The following PLXNA3 variants were observed in gnomAD, a reference collection of about 807,000 sequenced individuals.
The protein encoded by PLXNA3 is plexin A3.
A neutral mutation model predicts 118.8 loss-of-function variants in PLXNA3; 52 were observed. The observed-to-expected ratio is 0.44, with a 90% CI of 0.35 to 0.55. PLXNA3 has a LOEUF of 0.55. Among genes scored for constraint, PLXNA3 ranks in the 20% least tolerant of loss-of-function variants. The probability of loss-of-function intolerance (pLI) is 0.01; values close to 1 mark genes in which losing one functional copy is unlikely to be tolerated. For synonymous variants in PLXNA3, 925 were observed against 762.4 expected, an observed-to-expected ratio of 1.21 and a Z score of -3.51; for missense variants, 1,660 against 1,730.8, an observed-to-expected ratio of 0.96 and a Z score of 0.73.
Position 154,469,108 on chromosome X carries a change from A to G in PLXNA3, c.4487A>G (p.Lys1496Arg). 1.7e-6 allele frequency: 2 copies of G among 1,211,308 alleles called. No homozygotes were observed. The highest frequency in any genetic ancestry group is 3.5e-5 in the South Asian group (2 of 57,034). The change falls in exon 26 of 33, where the codon AAG becomes AGG. Residue 1496 changes from lysine to arginine, a missense_variant. By Grantham distance (26) the Lys-to-Arg change is conservative (BLOSUM62 2). This residue lies in a region of PLXNA3 where 869 missense variants were observed against 1,078.7 expected (regional missense o/e 0.81). Coordinates refer to ENST00000369682, the MANE Select transcript of PLXNA3 (RefSeq NM_017514.5). ...ENEGSAQVPV[K>R]VLNCDSITQA... ...GAGGGCAGCGCCCAGGTCCCAGTGA[A>G]GGTTCTCAACTGTGACAGCATCACC... is the stretch of plus-strand genomic sequence containing the variant.
rs371884925 is a variant in PLXNA3, at chrX:154,460,139, C to T, written c.-27-18C>T. ...TGTGGCTCGAGGCCTCTGACTCCCA[C>T]ACACCGTCTCTCCCTAGGCCTGTCC... On this transcript the variant is annotated intron_variant, in intron 1 of 32. Coordinates refer to ENST00000369682, the MANE Select transcript of PLXNA3 (RefSeq NM_017514.5). 9.4e-4 allele frequency: 890 copies of T among 950,248 alleles called. 6 individuals carry two copies. The South Asian group carries it at 0.015, about 16-fold the overall frequency. 78.3% of individuals were successfully genotyped at this position (950,248 alleles called of 1,213,427 possible).
intron 32 of PLXNA3, 35 bp from the exon 33 acceptor site, chrX:154,472,555 A>T: frequency 9.7e-7 from 1 of 1,033,772 alleles, no homozygotes; most frequent in East Asian, 3.1e-5. Flanking sequence ...TGCGCCCCCT[A>T]CAGAGCCCAG....
chrX:154,465,272 A>G, intron 11 of PLXNA3, 54 bp downstream of exon 11: 2 of 1,101,493 alleles, frequency 1.8e-6, no homozygotes, highest in Non-Finnish European at 2.5e-6. Context: ...CGTGGTGTGG[A>G]TCGTTCTTGT....
At position 154,468,438 on chromosome X, in the gene PLXNA3, C is replaced by T; in HGVS notation, c.4099C>T (p.Leu1367Phe). 7.4e-6 allele frequency: 9 copies of T among 1,211,398 alleles called. No individual in the cohort carries two copies. The highest frequency in any genetic ancestry group is 1.0e-5 in the Non-Finnish European group (9 of 895,530). The change falls in exon 23 of 33, where the codon CTC becomes TTC. Residue 1367 changes from leucine (L) to phenylalanine (F), a missense_variant. Transcript: ENST00000369682. ...GCGCGACCGCGGCACCGTGGCCTCG[C>T]TCACCATGGTGGCCCTGCAGAGCCG... is the stretch of plus-strand genomic sequence containing the variant. The part of the protein sequence containing the change: ...SMRDRGTVAS[L>F]TMVALQSRLD...
chrX:154,465,868 C>T, intron 13 of PLXNA3, 21 bp downstream of exon 13: 2 of 1,208,834 alleles, frequency 1.7e-6, no homozygotes. Flanking sequence ...CTCACCGCCC[C>T]TGCCCACTGC....
In PLXNA3 at chrX:154,460,520, G is replaced by A. The variant is rs1557203509; in HGVS notation, c.337G>A (p.Gly113Ser). ...DYAARRLVAC[G>S]SIWQGICQFL... is the part of the protein sequence containing the mutation. ...TGCGGCCCGCCGCCTGGTGGCCTGC[G>A]GCAGCATCTGGCAGGGCATCTGCCA... Residue 113 changes from glycine (G) to serine (S), a missense_variant, in exon 2 of 33, where the codon GGC becomes AGC. By Grantham distance (56) the Gly-to-Ser change is moderately conservative (BLOSUM62 0). Around this residue, in one of 2 missense-constraint regions of PLXNA3, gnomAD observed 791 missense variants for 652.1 expected, o/e 1.21. Coordinates refer to ENST00000369682, the MANE Select transcript of PLXNA3 (RefSeq NM_017514.5). The A allele has an allele frequency of 4.1e-6, 5 of 1,209,329 alleles. No individual in the cohort carries two copies. Among genetic ancestry groups the A allele is most frequent in the East Asian group, 3.0e-5 (1 of 33,806 alleles).
Position 154,469,800 on chromosome X carries a change from G to A in PLXNA3, c.4795+16G>A, listed in dbSNP as rs781795650. 3 of 1,181,389 alleles carry A rather than the reference G, an allele frequency of 2.5e-6. No homozygotes were observed. The South Asian group carries it at 5.3e-5, about 21-fold the overall frequency. On this transcript the variant is annotated intron_variant, in intron 28 of 32. Coordinates refer to ENST00000369682, the MANE Select transcript of PLXNA3 (RefSeq NM_017514.5). Reference sequence around the variant, plus strand: ...AGCCGCTACGGTAGGTGTCCTCAGTGTGGTGGCCATGTGCCCTTCGAGGGA... The same window carrying A: ...AGCCGCTACGGTAGGTGTCCTCAGTATGGTGGCCATGTGCCCTTCGAGGGA...
rs1362558474 is a variant in PLXNA3, at chrX:154,475,772, A to T, written c.*3087A>T. The T allele has an allele frequency of 8.9e-6, 1 of 112,177 alleles. No homozygotes were observed. The highest frequency in any genetic ancestry group is 2.8e-4 in the East Asian group (1 of 3,618). 9.2% of individuals were successfully genotyped at this position (112,177 alleles called of 1,213,427 possible). On this transcript the variant is annotated 3_prime_UTR_variant, in exon 33 of 33. Coordinates refer to ENST00000369682, the MANE Select transcript of PLXNA3 (RefSeq NM_017514.5). ...AATACTACCATCATATGATAATGAC[A>T]ACTAAGCCACAGGAAAACAAGGCAG...
Position 154,468,489 on chromosome X carries a change from A to G in PLXNA3, c.4150A>G (p.Lys1384Glu). Residue 1384 changes from lysine (K) to glutamate (E), a missense_variant, in exon 23 of 33, where the codon AAG (lysine) becomes GAG (glutamate). Around this residue, in one of 2 missense-constraint regions of PLXNA3, gnomAD observed 869 missense variants for 1,078.7 expected, o/e 0.81. Transcript: ENST00000369682. ...SRLDYATGLLKQLLADLIEKN... is the reference protein window; with the variant it reads ...SRLDYATGLLEQLLADLIEKN... ...GCTCGACTATGCCACGGGGCTGCTC[A>G]AGCAACTGCTGGCCGACCTCATCGA... The G allele has an allele frequency of 2.5e-6, 3 of 1,211,064 alleles. No individual in the cohort carries two copies. Among genetic ancestry groups the G allele is most frequent in the Non-Finnish European group, 3.4e-6 (3 of 895,442 alleles).
At position 154,467,086 on chromosome X, in the gene PLXNA3, C is replaced by T. The variant is rs2069098789; in HGVS notation, c.3137C>T (p.Thr1046Ile). 8.3e-7 allele frequency: 1 copy of T among 1,208,592 alleles called. No individual in the cohort carries two copies. Among genetic ancestry groups the T allele is most frequent in the Admixed American group, 2.2e-5 (1 of 45,878 alleles). The change falls in exon 18 of 33, where the codon ACC (threonine) becomes ATC (isoleucine). Residue 1046 changes from threonine (T) to isoleucine (I), a missense_variant. By Grantham distance (89) the Thr-to-Ile change is moderately conservative (BLOSUM62 -1). This residue lies in a region of PLXNA3 where 869 missense variants were observed against 1,078.7 expected (regional missense o/e 0.81). Transcript: ENST00000369682. ...NGSTAITVSG[T>I]HLLTVQEPRV... ...AGCACTGCCATCACTGTGAGTGGGA[C>T]CCACCTGCTGACGGTCCAGGAGCCC...
intron 28 of PLXNA3, 90 bp from the exon 29 acceptor site, chrX:154,469,887 C>T: frequency 9.0e-7 from 1 of 1,114,976 alleles, no homozygotes; most frequent in Admixed American, 2.2e-5. Context: ...CCAGCGAGGG[C>T]AGATGGGTCC....
In PLXNA3 at chrX:154,468,734, G is replaced by A. The variant is rs2069135616; in HGVS notation, c.4287+5G>A. The A allele has an allele frequency of 3.3e-6, 4 of 1,209,997 alleles. No homozygotes were observed. Among genetic ancestry groups the A allele is most frequent in the East Asian group, 3.0e-5 (1 of 33,791 alleles). ...CTGCTGCATAAGTTTCTGAAGGTGC[G>A]CCAGGTGGGTGGGCGGCAGGGAGGT... is the stretch of plus-strand genomic sequence containing the variant. On this transcript the variant is annotated splice_donor_5th_base_variant and intron_variant, in intron 24 of 32. Coordinates refer to ENST00000369682, the MANE Select transcript of PLXNA3 (RefSeq NM_017514.5).
Position 154,472,555 on chromosome X carries a change from A to G in PLXNA3, c.5521-35A>G, listed in dbSNP as rs1398233566. The G allele has an allele frequency of 3.9e-6, 4 of 1,031,825 alleles. No homozygotes were observed. In the Admixed American group the frequency reaches 8.8e-5, roughly 23 times the overall value. The allele number at this position is 1,031,825 out of a possible 1,213,427, so 85.0% of individuals were successfully genotyped here. On this transcript the variant is annotated intron_variant, in intron 32 of 32. Transcript: ENST00000369682. ...TTGCATGGCAGGAGCTGCGCCCCCT[A>G]CAGAGCCCAGCTCCAGGGGACTCCT...
In PLXNA3 at chrX:154,474,753, A is replaced by G. The variant is rs1446638927; in HGVS notation, c.*2068A>G. The G allele has an allele frequency of 3.1e-5, 3 of 95,290 alleles. No homozygotes were observed. Among genetic ancestry groups the G allele is most frequent in the Admixed American group, 1.2e-4 (1 of 8,261 alleles). The allele number at this position is 95,290 out of a possible 1,213,427, so 7.9% of individuals were successfully genotyped here. ...CAGCCTCCCAAAGTGCTGGGATTAC[A>G]GGCGTGAGCCACCATGCCTGACCTT... On this transcript the variant is annotated 3_prime_UTR_variant, in exon 33 of 33. Coordinates refer to ENST00000369682, the MANE Select transcript of PLXNA3 (RefSeq NM_017514.5).
intron 3 of PLXNA3, 66 bp from the exon 4 acceptor site, chrX:154,462,061 GA>G: frequency 1.1e-6 from 1 of 949,806 alleles, no homozygotes; most frequent in Non-Finnish European, 1.5e-6. Flanking sequence ...TGGGACACAG[GA>G]ACTGCCGGCC....
intron 1 of PLXNA3, among the ~76,000 whole-genome samples, chrX:154,458,818 C>G (rs187933545): frequency 0.015 from 1,700 of 112,056 alleles, 34 homozygotes; most frequent in African/African-American, 0.053. Flanking sequence ...CTCTGCTGGC[C>G]CAGCTGTACC....
At chrX:154,466,553 G>A (rs368929090) in intron 16 of PLXNA3, 41 bp downstream of exon 16, 1 of 1,190,672 alleles carries the variant, frequency 8.4e-7, no homozygotes, top group Non-Finnish European at 1.1e-6. Flanking sequence ...GGCATCGTGT[G>A]GGGGGCCGTG....
chrX:154,464,391 G>A lies in PLXNA3; in HGVS notation c.1829-11G>A. 1 of 1,207,256 alleles carries A rather than the reference G, an allele frequency of 8.3e-7. No homozygotes were observed. The highest frequency in any genetic ancestry group is 1.1e-6 in the Non-Finnish European group (1 of 892,589). On this transcript the variant is annotated splice_polypyrimidine_tract_variant and intron_variant, in intron 8 of 32. Coordinates refer to ENST00000369682, the MANE Select transcript of PLXNA3 (RefSeq NM_017514.5). ...CCCAGCGAGTTCACGGCCACCCCGG[G>A]ACTGCTGCAGGGGCCACCCGCACTG...
chrX:154,460,506 G>A lies in PLXNA3; in HGVS notation c.323G>A (p.Arg108His), dbSNP rs1557203505. 2 of 1,209,885 alleles carry A rather than the reference G, an allele frequency of 1.7e-6. No homozygotes were observed. Among genetic ancestry groups the A allele is most frequent in the Non-Finnish European group, 2.2e-6 (2 of 894,673 alleles). The change falls in exon 2 of 33, where the codon CGC becomes CAC. Residue 108 changes from arginine (R) to histidine (H), a missense_variant. Physicochemically the swap from Arg to His is conservative, Grantham distance 29 (BLOSUM62 0). This residue lies in a region of PLXNA3 where 791 missense variants were observed against 652.1 expected (regional missense o/e 1.21). Coordinates refer to ENST00000369682, the MANE Select transcript of PLXNA3 (RefSeq NM_017514.5). ...KLLLIDYAAR[R>H]LVACGSIWQG... ...CTGCTCATAGACTATGCGGCCCGCCGCCTGGTGGCCTGCGGCAGCATCTGG... is the reference window on the plus strand; with the variant it reads ...CTGCTCATAGACTATGCGGCCCGCCACCTGGTGGCCTGCGGCAGCATCTGG...
Sources: allele counts gnomAD v4.1 joint callset (sites outside exome capture counted in the v4.1 genomes callset), GRCh38; gene constraint gnomAD v4.1.1; regional missense constraint gnomAD v4.1.1; transcripts MANE v1.5; gene names NCBI Gene and HGNC (gene_info 2026-07-23, HGNC 2026-07-21).